EZR: variants seen among roughly 807,000 people sequenced by gnomAD.
The protein encoded by EZR is ezrin.
Under a neutral mutation model 74.8 loss-of-function variants are expected in EZR, and 40 were observed. The observed-to-expected ratio is 0.53, with a 90% CI of 0.42 to 0.70. EZR has a LOEUF of 0.70. Ranked by LOEUF, EZR falls within the 30% of genes least tolerant of loss-of-function variation. EZR has a pLI of 0.00. For synonymous variants in EZR, 341 were observed against 283.3 expected (o/e 1.20, Z -2.05); for missense variants, 678 against 755.8 (o/e 0.90, Z 1.21).
chr6:158,771,092 A>T, intron 9 of EZR, 152 bp downstream of exon 9: 1 of 1,331,746 alleles, frequency 7.5e-7, no homozygotes, highest in Non-Finnish European at 1.0e-6. Flanking sequence ...GCAACCGCCC[A>T]GAGACAAAGG....
intron 8 of EZR, among the ~76,000 whole-genome samples, chr6:158,773,743 C>A (rs552806865): frequency 1.3e-5 from 2 of 152,242 alleles, no homozygotes; most frequent in Admixed American, 1.3e-4. Context: ...GGGAAGGTCA[C>A]GTGGGGGAAG....
intron 6 of EZR, 113 bp from the exon 7 acceptor site, chr6:158,783,779 C>CTG (rs952072579): frequency 8.7e-5 from 102 of 1,175,490 alleles, no homozygotes; most frequent in African/African-American, 7.6e-4. Flanking sequence ...GGGCTCAATG[C>CTG]TGTGTGCTGC....
At chr6:158,770,692 G>A (rs1182648412) in intron 10 of EZR, 72 bp downstream of exon 10, 2 of 1,571,118 alleles carry the variant, frequency 1.3e-6, no homozygotes, top group South Asian at 1.1e-5. Flanking sequence ...TGAGTGGGTG[G>A]GTGGGTGTGG....
intron 2 of EZR, among the ~76,000 whole-genome samples, chr6:158,814,339 A>C (rs1373041078): frequency 6.6e-6 from 1 of 151,952 alleles, no homozygotes; most frequent in African/African-American, 2.4e-5. Flanking sequence ...ACAGTCTGCC[A>C]ATTTCCCCAT....
At chr6:158,786,983 T>C in intron 4 of EZR, 125 bp downstream of exon 4, 1 of 724,110 alleles carries the variant, frequency 1.4e-6, no homozygotes, top group South Asian at 1.8e-5. Context: ...TTTTTGTCTG[T>C]AAAAACTTTT....
intron 2 of EZR, among the ~76,000 whole-genome samples, chr6:158,797,633 A>C (rs1777101706): frequency 6.6e-6 from 1 of 152,256 alleles, no homozygotes; most frequent in Admixed American, 6.5e-5. Context: ...AATACTTAGA[A>C]ATGCTCTGAT....
At chr6:158,819,270 C>A (rs979828722) in intron 1 of EZR, 47 bp downstream of exon 1, 4 of 153,566 alleles carry the variant, frequency 2.6e-5, no homozygotes, top group South Asian at 1.8e-4. Flanking sequence ...CACCAGGAAC[C>A]CCCCGCCCAG....
chr6:158,806,783 A>G (rs1777349143), intron 2 of EZR, among the ~76,000 whole-genome samples: 1 of 152,170 alleles, frequency 6.6e-6, no homozygotes, highest in African/African-American at 2.4e-5. Context: ...TTTTCTCACC[A>G]TTATCTGTCT....
chr6:158,814,857 C>T (rs1185810360), intron 2 of EZR, among the ~76,000 whole-genome samples: 1 of 152,102 alleles, frequency 6.6e-6, no homozygotes, highest in African/African-American at 2.4e-5. Flanking sequence ...TTTTAAGTAA[C>T]TGTTGCTTTT....
chr6:158,777,870 CCTTT>C (rs1323844421), intron 7 of EZR, among the ~76,000 whole-genome samples: 2 of 151,850 alleles, frequency 1.3e-5, no homozygotes, highest in Non-Finnish European at 2.9e-5. Context: ...TTGTATACAT[CCTTT>C]CTTTTACAGT....
chr6:158,814,387 A>ACTGGGTCACG (rs56043720), intron 2 of EZR, among the ~76,000 whole-genome samples: 1 of 151,368 alleles, frequency 6.6e-6, no homozygotes, highest in Non-Finnish European at 1.5e-5. Context: ...TTTCCTCTCG[A>ACTGGGTCACG]CGTTACCTAG....
At position 158,803,569 on chromosome 6, in the gene EZR, A is replaced by G. The variant is rs1156945228; in HGVS notation, c.13-14198T>C. Among the ~76,000 whole-genome samples, 4 of 5,428 alleles carry G rather than the reference A, an allele frequency of 7.4e-4. 1 individual carries two copies. The highest frequency in any genetic ancestry group is 1.3e-3 in the Admixed American group (1 of 800). 3.6% of individuals were successfully genotyped at this position (5,428 alleles called of 152,430 possible). A position where few individuals can be genotyped will look rare whatever the true frequency, so the allele number is the denominator to read the frequency against. On this transcript the variant is annotated intron_variant, in intron 2 of 13. Coordinates refer to ENST00000367075, the MANE Select transcript of EZR (RefSeq NM_001111077.2). ...TGTATATATATATATATATATATAT[A>G]TATATATATATACATATATATATAT... is the stretch of plus-strand genomic sequence containing the variant.
Position 158,785,434 on chromosome 6 carries a change from C to G in EZR, c.342G>C (p.Glu114Asp). Reference sequence around the variant, plus strand: ...CGGCAGTCTCAGGGGGGCAGTAGATCTCATCGCTAAGGATTCCTTCCTTCA... The same window carrying G: ...CGGCAGTCTCAGGGGGGCAGTAGATGTCATCGCTAAGGATTCCTTCCTTCA... ...LQVKEGILSDEIYCPPETAVL... is the reference protein window; with the variant it reads ...LQVKEGILSDDIYCPPETAVL... The change falls in exon 5 of 14, where the codon GAG (glutamate) becomes GAC (aspartate). Residue 114 changes from glutamate (E) to aspartate (D), a missense_variant. Coordinates refer to ENST00000367075, the MANE Select transcript of EZR (RefSeq NM_001111077.2). 6.2e-7 allele frequency: 1 copy of G among 1,614,218 alleles called. No homozygotes were observed. The highest frequency in any genetic ancestry group is 2.2e-5 in the East Asian group (1 of 44,876).
intron 8 of EZR, among the ~76,000 whole-genome samples, chr6:158,773,758 C>A (rs1217820551): frequency 6.6e-6 from 1 of 152,246 alleles, no homozygotes; most frequent in Admixed American, 6.5e-5. Flanking sequence ...GGGAAGCGTC[C>A]GAGGAGTCAG....
intron 2 of EZR, among the ~76,000 whole-genome samples, chr6:158,814,672 T>C (rs1777517102): frequency 6.6e-6 from 1 of 151,758 alleles, no homozygotes; most frequent in Non-Finnish European, 1.5e-5. Flanking sequence ...GCCTCCCAAG[T>C]AGCTGGGACT....
At position 158,766,855 on chromosome 6, in the gene EZR, T is replaced by G. The variant is rs1013688860; in HGVS notation, c.*59A>C. 2.0e-6 allele frequency: 3 copies of G among 1,513,994 alleles called. No homozygotes were observed. Among genetic ancestry groups the G allele is most frequent in the Non-Finnish European group, 2.7e-6 (3 of 1,101,878 alleles). 93.8% of individuals were successfully genotyped at this position (1,513,994 alleles called of 1,614,324 possible). ...ACTTGGAGCACTAAAGACACAAGCGTGGCGGGGCTGGCAGCGCCCGCTATG... is the reference window on the plus strand; with the variant it reads ...ACTTGGAGCACTAAAGACACAAGCGGGGCGGGGCTGGCAGCGCCCGCTATG... On this transcript the variant is annotated 3_prime_UTR_variant, in exon 14 of 14. Transcript: ENST00000367075.
chr6:158,769,114 A>ACAAAGT (rs1791013024), intron 12 of EZR, among the ~76,000 whole-genome samples: 1 of 152,234 alleles, frequency 6.6e-6, no homozygotes, highest in Non-Finnish European at 1.5e-5. Flanking sequence ...TGACTCGTGT[A>ACAAAGT]CAAAGTCAAA....
chr6:158,769,658 C>T (rs1336291371), intron 11 of EZR, 126 bp downstream of exon 11: 111 of 1,388,384 alleles, frequency 8.0e-5, no homozygotes, highest in Non-Finnish European at 1.0e-4. Context: ...CAGCTGCCTT[C>T]AGCCCCCCAG....
intron 2 of EZR, among the ~76,000 whole-genome samples, chr6:158,803,572 T>C (rs377542873): frequency 0.032 from 274 of 8,610 alleles, 19 homozygotes; most frequent in African/African-American, 0.1. Context: ...TATATATATA[T>C]ATATATATAC....
Sources: allele counts gnomAD v4.1 joint callset (sites outside exome capture counted in the v4.1 genomes callset), GRCh38; gene constraint gnomAD v4.1.1; transcripts MANE v1.5; gene names NCBI Gene and HGNC (gene_info 2026-07-23, HGNC 2026-07-21).